ME3: variants seen among roughly 807,000 people sequenced by gnomAD.
ME3 encodes the protein NADP-dependent malic enzyme, mitochondrial.
ME3 carries 48 observed loss-of-function variants against 68.9 expected under a neutral mutation model. The ratio of observed to expected loss-of-function variants is 0.70; its 90% CI spans 0.55 to 0.89. The LOEUF is 0.89. Among genes scored for constraint, ME3 ranks in the 40% least tolerant of loss-of-function variants. The pLI is 0.00. For missense variants in ME3, 675 were observed against 797.4 expected (o/e 0.85, Z 1.85); for synonymous variants, 320 against 318.8 (o/e 1.00, Z -0.04).
chr11:86,576,512 C>T (rs973338594), intron 2 of ME3, among the ~76,000 whole-genome samples: 5 of 152,224 alleles, frequency 3.3e-5, no homozygotes, highest in Non-Finnish European at 7.3e-5. Context: ...AGGAGGACCA[C>T]TTCTTCCATG....
intron 2 of ME3, among the ~76,000 whole-genome samples, chr11:86,653,183 G>C (rs575301077): frequency 3.2e-4 from 49 of 152,070 alleles, no homozygotes; most frequent in African/African-American, 9.6e-4. Flanking sequence ...TTAGACAGAT[G>C]AACGAGACAG....
intron 8 of ME3, chr11:86,457,587 A>T: frequency 8.4e-7 from 1 of 1,191,044 alleles, no homozygotes; most frequent in Non-Finnish European, 1.1e-6. Context: ...TCCATCATTA[A>T]CCTGCATTTT....
chr11:86,671,688 T>C (rs984866362), intron 2 of ME3, 74 bp downstream of exon 2: 1 of 1,558,742 alleles, frequency 6.4e-7, no homozygotes, highest in Admixed American at 1.8e-5. Flanking sequence ...CCTTTCTGGG[T>C]CCAGGGGGCG....
At chr11:86,479,816 T>C (rs1050165721) in intron 7 of ME3, among the ~76,000 whole-genome samples, 80 of 34,526 alleles carry the variant, frequency 2.3e-3, no homozygotes, top group African/African-American at 6.3e-3. Flanking sequence ...ATGTCTTTTT[T>C]TCTTTCTTTT....
intron 2 of ME3, among the ~76,000 whole-genome samples, chr11:86,667,422 A>G (rs1362327049): frequency 6.6e-6 from 1 of 152,234 alleles, no homozygotes; most frequent in Non-Finnish European, 1.5e-5. Context: ...CATTTCCTTC[A>G]AATGGGCCAT....
chr11:86,652,832 G>C (rs1452732707), intron 2 of ME3, among the ~76,000 whole-genome samples: 1 of 151,944 alleles, frequency 6.6e-6, no homozygotes, highest in Non-Finnish European at 1.5e-5. Context: ...CCATCAGTGT[G>C]CTGTATTCAG....
chr11:86,541,393 C>G (rs1263287864), intron 4 of ME3, among the ~76,000 whole-genome samples: 2 of 152,228 alleles, frequency 1.3e-5, no homozygotes, highest in Admixed American at 6.5e-5. Context: ...CTAAGATCCA[C>G]TGGCTTGAAA....
chr11:86,664,886 A>C (rs891737180), intron 2 of ME3, among the ~76,000 whole-genome samples: 1 of 152,180 alleles, frequency 6.6e-6, no homozygotes, highest in African/African-American at 2.4e-5. Flanking sequence ...TAAACAGTTA[A>C]TATCTCTGTG....
chr11:86,486,613 A>G (rs1951702980), intron 7 of ME3, among the ~76,000 whole-genome samples: 3 of 152,244 alleles, frequency 2.0e-5, no homozygotes, highest in Admixed American at 2.0e-4. Flanking sequence ...GGAGATTTGC[A>G]AGTGAGAGGG....
intron 2 of ME3, among the ~76,000 whole-genome samples, chr11:86,567,836 C>T (rs1957569312): frequency 6.6e-6 from 1 of 152,204 alleles, no homozygotes; most frequent in Non-Finnish European, 1.5e-5. Context: ...AGACAGTTCA[C>T]TAGGGCTTAA....
At chr11:86,537,333 A>AT (rs1157526743) in intron 4 of ME3, among the ~76,000 whole-genome samples, 1 of 151,134 alleles carries the variant, frequency 6.6e-6, no homozygotes, top group Non-Finnish European at 1.5e-5. Context: ...ATTATATATA[A>AT]TATTAAATAT....
chr11:86,468,868 T>C (rs982622709), intron 7 of ME3, among the ~76,000 whole-genome samples: 1 of 152,194 alleles, frequency 6.6e-6, no homozygotes, highest in African/African-American at 2.4e-5. Flanking sequence ...TACATTATCT[T>C]AATTAATCTT....
At position 86,454,456 on chromosome 11, in the gene ME3, T is replaced by C. The variant is rs552747029; in HGVS notation, c.920-4058A>G. On this transcript the variant is annotated intron_variant, in intron 8 of 14. Transcript: ENST00000543262. The stretch of plus-strand genomic sequence containing the variant: ...TAGCCAGTGTAGACACAGTAGACTG[T>C]TTTATAGCTATTAAAAATGATCATC... Among the ~76,000 whole-genome samples, 33 of 152,290 alleles carry C rather than the reference T, an allele frequency of 2.2e-4. No individual in the cohort carries two copies. The South Asian group carries it at 5.4e-3, about 25-fold the overall frequency.
chr11:86,525,601 G>C (rs891259785), intron 4 of ME3, among the ~76,000 whole-genome samples: 1 of 152,012 alleles, frequency 6.6e-6, no homozygotes, highest in African/African-American at 2.4e-5. Flanking sequence ...AGTGGCTCAC[G>C]CCTGTAGTCC....
At chr11:86,515,744 A>C (rs1355894560) in intron 4 of ME3, among the ~76,000 whole-genome samples, 1 of 151,978 alleles carries the variant, frequency 6.6e-6, no homozygotes, top group East Asian at 1.9e-4. Flanking sequence ...GGTGCCAAGG[A>C]GCTCTCTGTA....
At chr11:86,638,596 TATC>T (rs1944484092) in intron 2 of ME3, among the ~76,000 whole-genome samples, 1 of 152,202 alleles carries the variant, frequency 6.6e-6, no homozygotes, top group Non-Finnish European at 1.5e-5. Context: ...ACTAATATGA[TATC>T]ATTGCTAGTA....
At chr11:86,643,976 T>C (rs1011389874) in intron 2 of ME3, among the ~76,000 whole-genome samples, 1 of 152,220 alleles carries the variant, frequency 6.6e-6, no homozygotes, top group Non-Finnish European at 1.5e-5. Flanking sequence ...TCAGATGAGA[T>C]GACCAATCAG....
chr11:86,457,400 C>A, intron 8 of ME3: 1 of 738,304 alleles, frequency 1.4e-6, no homozygotes. Context: ...TCCAGGTGGC[C>A]AAATTCAGTA....
intron 2 of ME3, among the ~76,000 whole-genome samples, chr11:86,576,863 G>T (rs1162901992): frequency 6.6e-6 from 1 of 152,188 alleles, no homozygotes; most frequent in Non-Finnish European, 1.5e-5. Context: ...GGGAATCAGA[G>T]AACCTATGTA....
Sources: allele counts gnomAD v4.1 joint callset (sites outside exome capture counted in the v4.1 genomes callset), GRCh38; gene constraint gnomAD v4.1.1; transcripts MANE v1.5; gene names NCBI Gene and HGNC (gene_info 2026-07-23, HGNC 2026-07-21).